Variants in NTNG1 observed in about 807,000 individuals in gnomAD.
NTNG1 encodes netrin G1.
NTNG1 carries 16 observed loss-of-function variants against 54.0 expected under a neutral mutation model. The ratio of observed to expected loss-of-function variants is 0.30; its 90% CI spans 0.20 to 0.45. The LOEUF (loss-of-function observed/expected upper bound fraction) is 0.45. Ranked by LOEUF, NTNG1 falls within the 20% of genes least tolerant of loss-of-function variation. NTNG1 has a pLI of 1.00. For missense variants in NTNG1, 530 were observed against 678.7 expected, an observed-to-expected ratio of 0.78 and a Z score of 2.43; for synonymous variants, 255 against 263.1, an observed-to-expected ratio of 0.97 and a Z score of 0.30.
rs528783094 is a variant in NTNG1, at chr1:107,457,818, C to T, written c.1390+21019C>T. On this transcript the variant is annotated intron_variant, in intron 7 of 7. Transcript: ENST00000370068. Reference sequence around the variant, plus strand: ...GAAAATTATGAATCTAATACTTTGCCGTAACATCTAAGAAAAAGCACATAA... The same window carrying T: ...GAAAATTATGAATCTAATACTTTGCTGTAACATCTAAGAAAAAGCACATAA... Among the ~76,000 whole-genome samples, 39 of 152,004 alleles carry T rather than the reference C, an allele frequency of 2.6e-4. No homozygotes were observed. In the East Asian group the frequency reaches 3.5e-3, roughly 14 times the overall value.
At chr1:107,246,408 C>CAAAAA (rs61237534) in intron 2 of NTNG1, among the ~76,000 whole-genome samples, 3 of 138,572 alleles carry the variant, frequency 2.2e-5, no homozygotes, top group African/African-American at 8.1e-5. Context: ...CTTGTTTAAG[C>CAAAAA]AAAAAAAAAA....
chr1:107,320,640 T>A (rs1337706062), intron 2 of NTNG1, among the ~76,000 whole-genome samples: 1 of 151,786 alleles, frequency 6.6e-6, no homozygotes, highest in Admixed American at 6.6e-5. Context: ...GGATAAGATT[T>A]ACGGCTTCTT....
chr1:107,145,769 T>A (rs1432210796), intron 1 of NTNG1, among the ~76,000 whole-genome samples: 2 of 152,112 alleles, frequency 1.3e-5, no homozygotes, highest in Non-Finnish European at 2.9e-5. Flanking sequence ...TTCAAATATC[T>A]TGCACTCTTC....
chr1:107,353,088 A>G (rs1669724571), intron 3 of NTNG1, among the ~76,000 whole-genome samples: 1 of 152,194 alleles, frequency 6.6e-6, no homozygotes, highest in African/African-American at 2.4e-5. Flanking sequence ...TTGGATATTA[A>G]CATTTGCATA....
intron 2 of NTNG1, among the ~76,000 whole-genome samples, chr1:107,203,185 T>G (rs1056816950): frequency 7.6e-4 from 116 of 151,996 alleles, no homozygotes; most frequent in African/African-American, 2.3e-3. Context: ...TTTAATTCTT[T>G]CAGTCACTCA....
intron 5 of NTNG1, among the ~76,000 whole-genome samples, chr1:107,430,463 C>A (rs2101325602): frequency 6.6e-6 from 1 of 152,212 alleles, no homozygotes; most frequent in Non-Finnish European, 1.5e-5. Context: ...TGAGGCTTCC[C>A]AAATTTTAAA....
chr1:107,168,880 A>G (rs1656007104), intron 2 of NTNG1, among the ~76,000 whole-genome samples: 1 of 152,164 alleles, frequency 6.6e-6, no homozygotes, highest in Non-Finnish European at 1.5e-5. Context: ...TTTCAAATAT[A>G]CATCATGTTT....
At chr1:107,463,208 C>T (rs1571016128) in intron 7 of NTNG1, among the ~76,000 whole-genome samples, 1 of 152,216 alleles carries the variant, frequency 6.6e-6, no homozygotes, top group Admixed American at 6.5e-5. Flanking sequence ...GGCAAGTACT[C>T]ATCATCAACA....
rs376422771 is a variant in NTNG1, at chr1:107,432,289, A to G, written c.1255+1372A>G. On this transcript the variant is annotated intron_variant, in intron 6 of 7. Coordinates refer to ENST00000370068, the MANE Select transcript of NTNG1 (RefSeq NM_001113226.3). ...TTGTTTTTACTTAATCCTCATTAAC[A>G]AAACAGTGGGGTAAGTATTACACTA... 6.0e-4 allele frequency among the ~76,000 whole-genome samples: 91 copies of G among 152,284 alleles called. 1 individual carries two copies. The highest frequency in any genetic ancestry group is 2.1e-3 in the African/African-American group (89 of 41,550).
intron 2 of NTNG1, among the ~76,000 whole-genome samples, chr1:107,178,435 G>A (rs1570773012): frequency 6.6e-6 from 1 of 151,264 alleles, no homozygotes; most frequent in Non-Finnish European, 1.5e-5. Context: ...TGTTTATGAG[G>A]TCAGTCTTTT....
chr1:107,340,159 GTTGA>G (rs1217145281), intron 3 of NTNG1, among the ~76,000 whole-genome samples: 12 of 152,086 alleles, frequency 7.9e-5, no homozygotes, highest in East Asian at 1.9e-4. Flanking sequence ...ATTTTAAATG[GTTGA>G]TTATCTAATG....
At chr1:107,393,270 G>A (rs931772326) in intron 3 of NTNG1, among the ~76,000 whole-genome samples, 6 of 152,150 alleles carry the variant, frequency 3.9e-5, no homozygotes, top group African/African-American at 1.4e-4. Context: ...CAGATATGGT[G>A]CTAAATCAGT....
chr1:107,181,807 A>G (rs947825670), intron 2 of NTNG1, among the ~76,000 whole-genome samples: 3 of 152,114 alleles, frequency 2.0e-5, no homozygotes, highest in African/African-American at 7.2e-5. Context: ...AATCCACAAG[A>G]AATGTGAGGT....
chr1:107,406,110 C>G (rs970145068), intron 4 of NTNG1, among the ~76,000 whole-genome samples: 1 of 152,100 alleles, frequency 6.6e-6, no homozygotes, highest in Non-Finnish European at 1.5e-5. Flanking sequence ...TTTCTAATAA[C>G]TAAAATTAAG....
At chr1:107,209,798 C>T (rs1297035265) in intron 2 of NTNG1, among the ~76,000 whole-genome samples, 1 of 152,136 alleles carries the variant, frequency 6.6e-6, no homozygotes, top group Admixed American at 6.5e-5. Context: ...GGAAGGGAGG[C>T]AGGATCCACA....
At chr1:107,265,735 C>CCT in intron 2 of NTNG1, among the ~76,000 whole-genome samples, 1 of 152,244 alleles carries the variant, frequency 6.6e-6, no homozygotes, top group African/African-American at 2.4e-5. Flanking sequence ...TTAACATATT[C>CCT]AGTCATGTTC....
chr1:107,206,611 T>C (rs1011330762), intron 2 of NTNG1, among the ~76,000 whole-genome samples: 2 of 152,156 alleles, frequency 1.3e-5, no homozygotes, highest in Non-Finnish European at 2.9e-5. Flanking sequence ...ATATAAAACA[T>C]ATAGGGTCCA....
At chr1:107,433,947 C>T (rs1410514898) in intron 6 of NTNG1, among the ~76,000 whole-genome samples, 1 of 152,126 alleles carries the variant, frequency 6.6e-6, no homozygotes. Context: ...TGCGGCAGGA[C>T]TGTTAAATTC....
At chr1:107,379,112 CA>C (rs943555621) in intron 3 of NTNG1, among the ~76,000 whole-genome samples, 1 of 152,166 alleles carries the variant, frequency 6.6e-6, no homozygotes, top group Non-Finnish European at 1.5e-5. Flanking sequence ...AAGGCTACCA[CA>C]CACTCTGCAT....
Sources: allele counts gnomAD v4.1 joint callset (sites outside exome capture counted in the v4.1 genomes callset), GRCh38; gene constraint gnomAD v4.1.1; transcripts MANE v1.5; gene names NCBI Gene and HGNC (gene_info 2026-07-23, HGNC 2026-07-21).